Variants in HECTD3 observed in about 807,000 individuals in gnomAD.
The protein encoded by HECTD3 is E3 ubiquitin-protein ligase HECTD3.
HECTD3 carries 72 observed loss-of-function variants against 109.3 expected under a neutral mutation model. The observed-to-expected ratio is 0.66, with a 90% CI of 0.54 to 0.80. HECTD3 has a LOEUF of 0.80. Ranked by LOEUF, HECTD3 falls within the 30% of genes least tolerant of loss-of-function variation. The pLI is 0.00. For synonymous variants in HECTD3, 481 were observed against 471.8 expected, an observed-to-expected ratio of 1.02 and a Z score of -0.25; for missense variants, 1,041 against 1,165.2, an observed-to-expected ratio of 0.89 and a Z score of 1.55.
chr1:45,010,479 T>C, intron 2 of HECTD3, 67 bp downstream of exon 2: 1 of 1,594,874 alleles, frequency 6.3e-7, no homozygotes, highest in Non-Finnish European at 8.6e-7. Context: ...AGGCTGTGGC[T>C]GAAGTGTTCC....
At chr1:45,010,758 T>C (rs1644783296) in intron 1 of HECTD3, 52 bp from the exon 2 acceptor site, 1 of 1,521,138 alleles carries the variant, frequency 6.6e-7, no homozygotes, top group Non-Finnish European at 8.8e-7. Flanking sequence ...CCCAGCCGCC[T>C]GTCGTGCCCA....
At chr1:45,005,561 G>C (rs1003856792) in intron 15 of HECTD3, 2 of 412,802 alleles carry the variant, frequency 4.8e-6, no homozygotes, top group Non-Finnish European at 8.6e-6. Context: ...ATGCCATCTT[G>C]GGGCAAACGT....
At chr1:45,008,847 T>C in intron 7 of HECTD3, 146 bp from the exon 8 acceptor site, 1 of 706,360 alleles carries the variant, frequency 1.4e-6, no homozygotes, top group Non-Finnish European at 2.4e-6. Context: ...TTCTATCACC[T>C]GATTCTGATT....
intron 16 of HECTD3, 68 bp from the exon 17 acceptor site, chr1:45,004,445 C>A (rs1644717929): frequency 7.5e-6 from 12 of 1,610,208 alleles, no homozygotes; most frequent in Non-Finnish European, 8.5e-6. Context: ...TGGGGGGCAT[C>A]ACTGTGGCCT....
In HECTD3 at chr1:45,003,271, A is replaced by C; in HGVS notation, c.*221T>G. On this transcript the variant is annotated 3_prime_UTR_variant, in exon 21 of 21. Transcript: ENST00000372172. The surrounding 1 kb of genome is among the most constrained non-coding windows in gnomAD (Gnocchi z 4.7). ...CTCTTAAGAGGTGAAATACCTCGGG[A>C]AGCAAGCCCCAGCACGGGTAGGGCT... 1 of 566,172 alleles carries C rather than the reference A, an allele frequency of 1.8e-6. No individual in the cohort carries two copies. The highest frequency in any genetic ancestry group is 3.2e-6 in the Non-Finnish European group (1 of 314,566). 35.1% of individuals were successfully genotyped at this position (566,172 alleles called of 1,614,324 possible).
In HECTD3 at chr1:45,010,549, AGCACCG is replaced by A; in HGVS notation, c.521_526del (p.Pro174_Val175del). On this transcript the variant is annotated inframe_deletion, in exon 2 of 21. Coordinates refer to ENST00000372172, the MANE Select transcript of HECTD3 (RefSeq NM_024602.6). Reference sequence around the variant, plus strand: ...CCCGCTCCTTCAAGTGCAGTACCTGAGCACCGGCCGATAATCCACGCCAAAGAGCTG... The same window carrying A: ...CCCGCTCCTTCAAGTGCAGTACCTGAGCCGATAATCCACGCCAAAGAGCTG... 6.2e-7 allele frequency: 1 copy of A among 1,613,502 alleles called. No homozygotes were observed.
In HECTD3 at chr1:45,007,553, G is replaced by A; in HGVS notation, c.1363C>T (p.Leu455=). The stretch of plus-strand genomic sequence containing the variant: ...GAGTCACGCAGGCACTGAGCCACCA[G>A]GCCTGGCCGCTGGCGGGACAGCAGT... ...FLLLSRQRPG[L]VAQCLRDSES... The change falls in exon 10 of 21, where the codon CTG becomes TTG. Residue 455 remains leucine (L), a synonymous_variant. Coordinates refer to ENST00000372172, the MANE Select transcript of HECTD3 (RefSeq NM_024602.6). The A allele has an allele frequency of 6.2e-7, 1 of 1,613,576 alleles. No homozygotes were observed. Among genetic ancestry groups the A allele is most frequent in the Non-Finnish European group, 8.5e-7 (1 of 1,180,016 alleles).
intron 6 of HECTD3, 61 bp from the exon 7 acceptor site, chr1:45,009,287 G>T: frequency 6.5e-7 from 1 of 1,544,382 alleles, no homozygotes; most frequent in Non-Finnish European, 9.0e-7. Flanking sequence ...AGAGACTGCT[G>T]GAGTCTCACT....
Position 45,007,460 on chromosome 1 carries a change from C to T in HECTD3, c.1456G>A (p.Ala486Thr). 1.2e-6 allele frequency: 2 copies of T among 1,614,108 alleles called. No homozygotes were observed. Among genetic ancestry groups the T allele is most frequent in the Non-Finnish European group, 1.7e-6 (2 of 1,180,036 alleles). Reference protein sequence around the residue: ...INRRLAMEHRACPSRDPACKN... With the variant: ...INRRLAMEHRTCPSRDPACKN... ...CAGGCAGGGTCTCGAGAGGGGCAGG[C>T]ACGGTGTTCCATGGCAAGACGGCGG... The change falls in exon 10 of 21, where the codon GCC (alanine) becomes ACC (threonine). Residue 486 changes from alanine to threonine, a missense_variant. Transcript: ENST00000372172.
intron 8 of HECTD3, 103 bp downstream of exon 8, chr1:45,008,433 T>C (rs762364198): frequency 3.4e-5 from 51 of 1,502,000 alleles, no homozygotes; most frequent in Non-Finnish European, 4.4e-5. Context: ...CTCTGACCCT[T>C]GAACAGCTTA....
At position 45,003,648 on chromosome 1, in the gene HECTD3, C is replaced by T. The variant is rs199661706; in HGVS notation, c.2501+21G>A. 3.3e-5 allele frequency: 54 copies of T among 1,613,982 alleles called. No homozygotes were observed. Among genetic ancestry groups the T allele is most frequent in the Admixed American group, 1.2e-4 (7 of 60,022 alleles). On this transcript the variant is annotated intron_variant, in intron 20 of 20. Transcript: ENST00000372172. The surrounding 1 kb of genome is among the most constrained non-coding windows in gnomAD (Gnocchi z 4.7). ...TGATGGGGTCCCCTGGGCCCCAAATCGAGCCTAGGAAAAAACCCACCTGGC... is the reference window on the plus strand; with the variant it reads ...TGATGGGGTCCCCTGGGCCCCAAATTGAGCCTAGGAAAAAACCCACCTGGC...
At position 45,010,307 on chromosome 1, in the gene HECTD3, G is replaced by A. The variant is rs1320839290; in HGVS notation, c.531-14C>T. On this transcript the variant is annotated splice_polypyrimidine_tract_variant and intron_variant, in intron 2 of 20. Coordinates refer to ENST00000372172, the MANE Select transcript of HECTD3 (RefSeq NM_024602.6). ...ACCTGTTCCCACCTGTGGGCACAGA[G>A]TAGGGAGTGGGATGGGGAGACATCA... The A allele has an allele frequency of 1.2e-6, 2 of 1,611,002 alleles. No individual in the cohort carries two copies. Among genetic ancestry groups the A allele is most frequent in the East Asian group, 2.2e-5 (1 of 44,868 alleles).
chr1:45,003,192 C>G lies in HECTD3; in HGVS notation c.*300G>C, dbSNP rs939447038. 2.7e-5 allele frequency: 11 copies of G among 402,484 alleles called. No individual in the cohort carries two copies. Among genetic ancestry groups the G allele is most frequent in the African/African-American group, 2.2e-4 (11 of 50,194 alleles). 24.9% of individuals were successfully genotyped at this position (402,484 alleles called of 1,614,324 possible). On this transcript the variant is annotated 3_prime_UTR_variant, in exon 21 of 21. Transcript: ENST00000372172. This position sits in a 1 kb window ranked among gnomAD's most constrained non-coding sequence, Gnocchi z 4.7. ...GTCCATGGGTTGGGGACCTAGATGG[C>G]CCCCTTCAAGTAGCTCAGGCCTGGC...
Position 45,010,257 on chromosome 1 carries a change from G to C in HECTD3, c.567C>G (p.Arg189=), listed in dbSNP as rs373547881. 1.2e-6 allele frequency: 2 copies of C among 1,613,888 alleles called. No homozygotes were observed. Among genetic ancestry groups the C allele is most frequent in the Admixed American group, 1.7e-5 (1 of 59,996 alleles). The part of the protein sequence containing the change: ...EQVVDLTYSH[R]LGSRPQPAEA... ...CTGCCGGCTGAGGTCTCGATCCCAG[G>C]CGATGTGAGTATGTCAGGTCCACCA... The change falls in exon 3 of 21, where the codon CGC becomes CGG. Residue 189 remains arginine (R), a synonymous_variant. Transcript: ENST00000372172.
In HECTD3 at chr1:45,005,884, C is replaced by T. The variant is rs750909378; in HGVS notation, c.1846-1G>A. ...ACACAAAACCAGGCAGGGCCAGGAC[C>T]TGTGTGACAAACACTCCCCACTGTC... On this transcript the variant is annotated splice_acceptor_variant, in intron 14 of 20. Transcript: ENST00000372172. LOFTEE classifies it high-confidence loss of function. 6.2e-7 allele frequency: 1 copy of T among 1,605,594 alleles called. No individual in the cohort carries two copies. Among genetic ancestry groups the T allele is most frequent in the Non-Finnish European group, 8.5e-7 (1 of 1,175,868 alleles).
At position 45,006,304 on chromosome 1, in the gene HECTD3, T is replaced by TTC; in HGVS notation, c.1726-190_1726-189dup. The TTC allele has an allele frequency of 3.4e-6, 2 of 593,730 alleles. No individual in the cohort carries two copies. Among genetic ancestry groups the TTC allele is most frequent in the South Asian group, 2.5e-5 (1 of 40,308 alleles). 36.8% of individuals were successfully genotyped at this position (593,730 alleles called of 1,614,324 possible). A position where few individuals can be genotyped will look rare whatever the true frequency, so the allele number is the denominator to read the frequency against. On this transcript the variant is annotated intron_variant, in intron 13 of 20. Coordinates refer to ENST00000372172, the MANE Select transcript of HECTD3 (RefSeq NM_024602.6). The surrounding 1 kb of genome is among the most constrained non-coding windows in gnomAD (Gnocchi z 4.7). ...CAACTCAGTCCCTCCTCTGCCCTAT[T>TTC]TCTATTTTTTTTTTTTTTTGAGACA...
intron 7 of HECTD3, 127 bp from the exon 8 acceptor site, chr1:45,008,828 G>C (rs954966074): frequency 1.2e-6 from 1 of 818,688 alleles, no homozygotes; most frequent in Non-Finnish European, 2.0e-6. Context: ...CGGGACCTTC[G>C]GGATCACCTT....
intron 16 of HECTD3, 101 bp downstream of exon 16, chr1:45,004,499 G>A: frequency 5.7e-6 from 9 of 1,590,668 alleles, no homozygotes; most frequent in Non-Finnish European, 7.7e-6. Flanking sequence ...GGGGGCCAGA[G>A]TTCTTGGAGT....
Position 45,007,425 on chromosome 1 carries a change from T to C in HECTD3, c.1491A>G (p.Ala497=). 2.5e-6 allele frequency: 4 copies of C among 1,614,142 alleles called. No individual in the cohort carries two copies. The highest frequency in any genetic ancestry group is 3.4e-6 in the Non-Finnish European group (4 of 1,180,028). ...AGGTGGTGCAGACCTGGGTGAAGAC[T>C]GCATTCTTGCAGGCAGGGTCTCGAG... ...CPSRDPACKN[A]VFTQVYEGLK... is the part of the protein sequence containing the mutation. The change falls in exon 10 of 21, where the codon GCA becomes GCG. Residue 497 remains alanine (A), a synonymous_variant. Coordinates refer to ENST00000372172, the MANE Select transcript of HECTD3 (RefSeq NM_024602.6).
Sources: allele counts gnomAD v4.1 joint callset, GRCh38; gene constraint gnomAD v4.1.1; non-coding constraint Gnocchi (gnomAD v3.1); transcripts MANE v1.5; gene names NCBI Gene and HGNC (gene_info 2026-07-23, HGNC 2026-07-21).